Variants in AADAC observed in about 807,000 individuals in gnomAD.
The protein encoded by AADAC is arylacetamide deacetylase, also known as arylacetamide deacetylase (esterase).
A neutral mutation model predicts 22.7 loss-of-function variants in AADAC; 17 were observed. That is an observed-to-expected ratio of 0.75 (90% CI 0.51 to 1.12). The LOEUF (loss-of-function observed/expected upper bound fraction) is 1.12, where lower values mean the gene tolerates loss of function less well. Among genes scored for constraint, AADAC ranks in the 50% most tolerant of loss-of-function variants. AADAC has a pLI of 0.00. For missense variants in AADAC, 465 were observed against 473.9 expected (o/e 0.98, Z 0.17); for synonymous variants, 167 against 176.3 (o/e 0.95, Z 0.42).
chr3:151,822,986 A>G (rs1447383653), intron 3 of AADAC, among the ~76,000 whole-genome samples: 2 of 152,070 alleles, frequency 1.3e-5, no homozygotes, highest in South Asian at 2.1e-4. Context: ...AAATGGTTAT[A>G]TTAAAAATTC....
At chr3:151,818,097 C>T (rs1029359756) in intron 2 of AADAC, among the ~76,000 whole-genome samples, 4 of 151,690 alleles carry the variant, frequency 2.6e-5, no homozygotes, top group South Asian at 2.1e-4. Flanking sequence ...AAAAATTAGC[C>T]GGGTGTGGTG....
chr3:151,821,229 G>C (rs937408470), intron 3 of AADAC, among the ~76,000 whole-genome samples: 1 of 151,798 alleles, frequency 6.6e-6, no homozygotes, highest in Non-Finnish European at 1.5e-5. Flanking sequence ...CTAAAATGTA[G>C]GCTATATAAT....
At chr3:151,825,479 AC>A (rs1560313637) in intron 4 of AADAC, among the ~76,000 whole-genome samples, 3 of 151,840 alleles carry the variant, frequency 2.0e-5, no homozygotes, top group East Asian at 3.8e-4. Flanking sequence ...GAGACTAATG[AC>A]CCTATTACGC....
intron 4 of AADAC, among the ~76,000 whole-genome samples, chr3:151,826,004 G>A (rs1322333708): frequency 1.6e-5 from 1 of 61,450 alleles, no homozygotes; most frequent in East Asian, 3.1e-4. Flanking sequence ...TATGTAGAAG[G>A]TTAGATTTTT....
chr3:151,822,754 G>A (rs1716303050), intron 3 of AADAC, among the ~76,000 whole-genome samples: 1 of 151,960 alleles, frequency 6.6e-6, no homozygotes, highest in Admixed American at 6.6e-5. Context: ...GAAATGAGAA[G>A]TGACTACTAA....
At chr3:151,817,659 T>C in intron 2 of AADAC, 71 bp downstream of exon 2, 1 of 1,346,518 alleles carries the variant, frequency 7.4e-7, no homozygotes, top group Non-Finnish European at 1.1e-6. Context: ...CTTCAGTAGG[T>C]ACACATGCCC....
chr3:151,815,665 A>C (rs910442296), intron 1 of AADAC, among the ~76,000 whole-genome samples: 16 of 152,016 alleles, frequency 1.1e-4, no homozygotes, highest in Non-Finnish European at 1.5e-4. Context: ...CCTTTTAATT[A>C]ATTAATTCAT....
rs143837644 is a variant in AADAC, at chr3:151,820,438, C to T, written c.417C>T (p.Val139=). ...SRWTADRLDA[V]VVSTNYRLAP... is the part of the protein sequence containing the mutation. ...GGACAGCAGACAGACTTGATGCTGT[C>T]GTCGTATCAACCAAGTAAGAGCTGT... The change falls in exon 3 of 5, where the codon GTC becomes GTT. Residue 139 remains valine (V), a synonymous_variant. Coordinates refer to ENST00000232892, the MANE Select transcript of AADAC (RefSeq NM_001086.3). The T allele has an allele frequency of 2.1e-5, 33 of 1,580,774 alleles. No homozygotes were observed. The African/African-American group carries it at 3.1e-4, about 15-fold the overall frequency.
rs746202783 is a variant in AADAC at position 151,827,931 on chromosome 3, C to A, written c.959C>A (p.Ala320Asp). 5 of 1,610,998 alleles carry A rather than the reference C, an allele frequency of 3.1e-6. No individual in the cohort carries two copies. Among genetic ancestry groups the A allele is most frequent in the Non-Finnish European group, 4.2e-6 (5 of 1,178,194 alleles). Residue 320 changes from alanine to aspartate, a missense_variant, in exon 5 of 5, where the codon GCC (alanine) becomes GAC (aspartate). Coordinates refer to ENST00000232892, the MANE Select transcript of AADAC (RefSeq NM_001086.3). ...CCAGGGTTCCTAGATGTGAGGGCAGCCCCTTTGTTGGCTGATGACAACAAA... is the reference window on the plus strand; with the variant it reads ...CCAGGGTTCCTAGATGTGAGGGCAGACCCTTTGTTGGCTGATGACAACAAA... ...KYPGFLDVRA[A>D]PLLADDNKLR...
intron 3 of AADAC, among the ~76,000 whole-genome samples, chr3:151,823,938 T>C (rs991393848): frequency 1.3e-5 from 2 of 152,046 alleles, no homozygotes; most frequent in Admixed American, 6.6e-5. Context: ...ACATTTAATA[T>C]GTGATCTACC....
chr3:151,824,467 T>C (rs1716389167), intron 3 of AADAC, among the ~76,000 whole-genome samples, 196 bp from the exon 4 acceptor site: 1 of 151,998 alleles, frequency 6.6e-6, no homozygotes, highest in Admixed American at 6.6e-5. Flanking sequence ...AATGTTATAT[T>C]TCATGATCTG....
intron 4 of AADAC, among the ~76,000 whole-genome samples, chr3:151,827,241 G>T (rs1016045677): frequency 4.0e-5 from 6 of 151,866 alleles, no homozygotes; most frequent in African/African-American, 1.5e-4. Flanking sequence ...ATGAACAGAA[G>T]ATAATATTTA....
chr3:151,818,240 CAAA>C (rs57922305), intron 2 of AADAC, among the ~76,000 whole-genome samples: 112 of 139,348 alleles, frequency 8.0e-4, no homozygotes, highest in Admixed American at 1.0e-3. Context: ...GACTCTGCCT[CAAA>C]AAAAAAAAAA....
chr3:151,827,389 C>G (rs1716542568), intron 4 of AADAC, among the ~76,000 whole-genome samples, 187 bp from the exon 5 acceptor site: 1 of 151,748 alleles, frequency 6.6e-6, no homozygotes, highest in Non-Finnish European at 1.5e-5. Context: ...ACATCTAGTT[C>G]TAGAAACCCA....
At chr3:151,817,284 G>T in intron 1 of AADAC, 82 bp from the exon 2 acceptor site, 1 of 1,195,422 alleles carries the variant, frequency 8.4e-7, no homozygotes, top group Non-Finnish European at 1.2e-6. Context: ...GTTTATTAAG[G>T]GTTAATGTCT....
rs1408641702 is a variant in AADAC, at chr3:151,827,373, T to C, written c.604-203T>C. Among the ~76,000 whole-genome samples, 4 of 152,018 alleles carry C rather than the reference T, an allele frequency of 2.6e-5. 1 individual carries two copies. Among genetic ancestry groups the C allele is most frequent in the Non-Finnish European group, 5.9e-5 (4 of 67,956 alleles). ...ATGATTTTCCTTAAGTTGAAAATATTGATGAACATCTAGTTCTAGAAACCC... is the reference window on the plus strand; with the variant it reads ...ATGATTTTCCTTAAGTTGAAAATATCGATGAACATCTAGTTCTAGAAACCC... On this transcript the variant is annotated intron_variant, in intron 4 of 4. Coordinates refer to ENST00000232892, the MANE Select transcript of AADAC (RefSeq NM_001086.3).
At chr3:151,817,620 T>C (rs766411969) in intron 2 of AADAC, 32 bp downstream of exon 2, 1 of 1,594,716 alleles carries the variant, frequency 6.3e-7, no homozygotes, top group South Asian at 1.1e-5. Flanking sequence ...TCTCTGTCAC[T>C]GAGGTAGTTC....
Position 151,828,045 on chromosome 3 carries a change from A to G in AADAC, c.1073A>G (p.Asn358Ser), listed in dbSNP as rs1716583625. The change falls in exon 5 of 5, where the codon AAC (asparagine) becomes AGC (serine). Residue 358 changes from asparagine (N) to serine (S), a missense_variant. Physicochemically the swap from Asn to Ser is conservative, Grantham distance 46 (BLOSUM62 1). Transcript: ENST00000232892. ...DGLMYVTRLR[N>S]TGVQVTHNHV... The stretch of plus-strand genomic sequence containing the variant: ...CTCATGTATGTCACCCGACTTCGCA[A>G]CACTGGGGTTCAGGTGACTCATAAC... The G allele has an allele frequency of 6.2e-7, 1 of 1,613,364 alleles. No individual in the cohort carries two copies.
intron 4 of AADAC, among the ~76,000 whole-genome samples, chr3:151,826,705 T>G (rs1716511841): frequency 6.6e-6 from 1 of 151,942 alleles, no homozygotes; most frequent in Non-Finnish European, 1.5e-5. Context: ...TCCCTGGTAT[T>G]GGTATATCCC....
Sources: allele counts gnomAD v4.1 joint callset (sites outside exome capture counted in the v4.1 genomes callset), GRCh38; gene constraint gnomAD v4.1.1; transcripts MANE v1.5; gene names NCBI Gene and HGNC (gene_info 2026-07-23, HGNC 2026-07-21).